The following ATAD2 variants were observed in gnomAD, a reference collection of about 807,000 sequenced individuals.
The protein encoded by ATAD2 is ATPase family AAA domain-containing protein 2.
In ATAD2, 62 loss-of-function variants were observed where a neutral mutation model predicts 168.9. The observed-to-expected ratio is 0.37, with a 90% confidence interval of 0.30 to 0.45. The LOEUF is 0.45. ATAD2 is among the 20% of genes least tolerant of loss of function. The pLI is 1.00. For missense variants in ATAD2, 1,419 were observed against 1,667.8 expected, an observed-to-expected ratio of 0.85 and a Z score of 2.60; for synonymous variants, 613 against 571.6, an observed-to-expected ratio of 1.07 and a Z score of -1.03.
intron 11 of ATAD2, among the ~76,000 whole-genome samples, chr8:123,358,574 C>T (rs1828716767): frequency 6.6e-6 from 1 of 151,974 alleles, no homozygotes; most frequent in Non-Finnish European, 1.5e-5. Context: ...TCTTGAACTC[C>T]GGACCTTGTG....
At chr8:123,406,673 C>T (rs565498722) in intron 1 of ATAD2, among the ~76,000 whole-genome samples, 13 of 151,756 alleles carry the variant, frequency 8.6e-5, no homozygotes, top group South Asian at 8.3e-4. Flanking sequence ...AGAAATTAGC[C>T]GGGCGTTGTG....
At chr8:123,387,810 A>G (rs1829687325) in intron 1 of ATAD2, among the ~76,000 whole-genome samples, 1 of 152,160 alleles carries the variant, frequency 6.6e-6, no homozygotes, top group South Asian at 2.1e-4. Flanking sequence ...ATTCTATGTT[A>G]TTTTTCACAG....
intron 1 of ATAD2, among the ~76,000 whole-genome samples, chr8:123,413,818 G>A (rs1813198744): frequency 6.6e-6 from 1 of 152,118 alleles, no homozygotes; most frequent in Non-Finnish European, 1.5e-5. Flanking sequence ...GTGAAAGAAT[G>A]CATCAGACAG....
In ATAD2 at chr8:123,371,855, A is replaced by G. The variant is rs780963832; in HGVS notation, c.371-20T>C. On this transcript the variant is annotated intron_variant, in intron 3 of 27. Transcript: ENST00000287394. ...CTTTGTCTTCACAAATGCATACATA[A>G]AAATAAATAGAAACATTTGAAATAA... 1.3e-6 allele frequency: 2 copies of G among 1,532,916 alleles called. No homozygotes were observed. Among genetic ancestry groups the G allele is most frequent in the Admixed American group, 4.5e-5 (2 of 44,716 alleles). The allele number at this position is 1,532,916 out of a possible 1,614,324, so 95.0% of individuals were successfully genotyped here.
At chr8:123,323,886 AAG>A (rs757983753) in intron 26 of ATAD2, among the ~76,000 whole-genome samples, 61 of 152,306 alleles carry the variant, frequency 4.0e-4, no homozygotes, top group Non-Finnish European at 8.5e-4. Flanking sequence ...TGATCAGAAA[AAG>A]TAAATTGAAA....
At chr8:123,339,944 T>C (rs564398492) in intron 19 of ATAD2, among the ~76,000 whole-genome samples, 24 of 152,156 alleles carry the variant, frequency 1.6e-4, no homozygotes, top group African/African-American at 5.5e-4. Context: ...TCAGGCTGGA[T>C]TGCAGTGGCA....
chr8:123,404,432 TG>T (rs1230097775), intron 1 of ATAD2, among the ~76,000 whole-genome samples: 1 of 152,180 alleles, frequency 6.6e-6, no homozygotes, highest in Non-Finnish European at 1.5e-5. Context: ...GTCTCCCAGC[TG>T]CTGGTGTCTG....
upstream of ATAD2, among the ~76,000 whole-genome samples, chr8:123,397,234 C>G (rs1004287676): frequency 1.3e-4 from 14 of 106,704 alleles, no homozygotes; most frequent in Non-Finnish European, 1.9e-4. Context: ...GAGCAAGACT[C>G]TGTCTCAAAA....
At position 123,402,097 on chromosome 8, in the gene ATAD2, GC is replaced by G. The variant is rs1813010700; in HGVS notation, c.-2281-923del. 8.8e-7 allele frequency: 1 copy of G among 1,139,758 alleles called. No individual in the cohort carries two copies. The highest frequency in any genetic ancestry group is 1.8e-5 in the Admixed American group (1 of 56,732). 70.6% of individuals were successfully genotyped at this position (1,139,758 alleles called of 1,614,324 possible). ...TCCATGGCCTGCACTCTTAGGAGAAGCGGCTGTACTGACAGCAGTGGAGGCC... is the reference window on the plus strand; with the variant it reads ...TCCATGGCCTGCACTCTTAGGAGAAGGGCTGTACTGACAGCAGTGGAGGCC... On this transcript the variant is annotated intron_variant, in intron 1 of 28. Coordinates refer to the ATAD2 transcript ENST00000521903. This position sits in a 1 kb window ranked among gnomAD's most constrained non-coding sequence, Gnocchi z 4.8.
intron 1 of ATAD2, among the ~76,000 whole-genome samples, chr8:123,386,039 G>GA (rs1829639232): frequency 1.4e-5 from 2 of 147,736 alleles, no homozygotes; most frequent in African/African-American, 2.5e-5. Context: ...AAAAAAAGGA[G>GA]AAAATAGCAA....
chr8:123,409,646 C>A (rs1455734933), intron 1 of ATAD2, among the ~76,000 whole-genome samples: 2 of 152,006 alleles, frequency 1.3e-5, no homozygotes, highest in African/African-American at 4.8e-5. Flanking sequence ...GCTTGAGCTA[C>A]TACACCCATT....
At chr8:123,327,243 G>C (rs937142872) in intron 25 of ATAD2, among the ~76,000 whole-genome samples, 2 of 152,158 alleles carry the variant, frequency 1.3e-5, no homozygotes, top group East Asian at 3.8e-4. Context: ...TCTAATTGTT[G>C]TGAGAGCCAG....
At chr8:123,337,911 G>T in intron 20 of ATAD2, 90 bp from the exon 21 acceptor site, 1 of 1,232,546 alleles carries the variant, frequency 8.1e-7, no homozygotes, top group Non-Finnish European at 1.1e-6. Flanking sequence ...GGATTTGAGG[G>T]ATTATCTTCC....
At chr8:123,350,100 C>T (rs932866780) in intron 13 of ATAD2, among the ~76,000 whole-genome samples, 4 of 152,050 alleles carry the variant, frequency 2.6e-5, no homozygotes, top group African/African-American at 4.8e-5. Flanking sequence ...ATAAAATTTC[C>T]ACTGTATATA....
At position 123,369,940 on chromosome 8, in the gene ATAD2, T is replaced by A; in HGVS notation, c.812A>T (p.Asp271Val). 6.3e-7 allele frequency: 1 copy of A among 1,575,874 alleles called. No homozygotes were observed. Among genetic ancestry groups the A allele is most frequent in the Non-Finnish European group, 8.7e-7 (1 of 1,149,554 alleles). Residue 271 changes from aspartate (D) to valine (V), a missense_variant, in exon 7 of 28, where the codon GAT (aspartate) becomes GTT (valine). By Grantham distance (152) the Asp-to-Val change is radical. Around this residue, in one of 5 missense-constraint regions of ATAD2, gnomAD observed 419 missense variants for 423.5 expected, o/e 0.99. Transcript: ENST00000287394. ...ATCTTCATCATCATCATCATCATCA[T>A]CATCGTCATCATCATCATCATCTTC... The part of the protein sequence containing the change: ...DDEDDDDDDD[D>V]DDDDDDEDDE...
chr8:123,401,404 G>A (rs1812997474), upstream of ATAD2: 1 of 1,385,214 alleles, frequency 7.2e-7, no homozygotes, highest in Non-Finnish European at 1.0e-6. Context: ...CTTGTCCGAA[G>A]GGAACTTGCT....
chr8:123,351,099 A>T (rs965603832), intron 13 of ATAD2, among the ~76,000 whole-genome samples: 1 of 152,132 alleles, frequency 6.6e-6, no homozygotes, highest in Non-Finnish European at 1.5e-5. Context: ...ACAGGAAGAT[A>T]CCACGTAATT....
upstream of ATAD2, chr8:123,401,348 G>A (rs543562915): frequency 1.9e-5 from 27 of 1,402,660 alleles, no homozygotes; most frequent in South Asian, 5.9e-5. Flanking sequence ...GACAAATACC[G>A]CCTGGACCTG....
At chr8:123,337,863 C>T in intron 20 of ATAD2, 42 bp from the exon 21 acceptor site, 2 of 1,506,692 alleles carry the variant, frequency 1.3e-6, no homozygotes, top group Non-Finnish European at 1.8e-6. Context: ...TCCTCCATAA[C>T]ATTGAGGTTG....
Sources: gnomAD v4.1 joint callset for allele counts (sites outside exome capture counted in the v4.1 genomes callset) on GRCh38, gnomAD v4.1.1 for gene constraint, gnomAD v4.1.1 regional missense constraint, Gnocchi (gnomAD v3.1) non-coding constraint, MANE v1.5 for transcripts, NCBI Gene and HGNC (gene_info 2026-07-23, HGNC 2026-07-21) for gene names.